The following ZSWIM4 variants were observed in gnomAD, a reference collection of about 807,000 sequenced individuals.
The protein encoded by ZSWIM4 is zinc finger SWIM-type containing 4.
In ZSWIM4, 62 loss-of-function variants were observed where a neutral mutation model predicts 102.5. That is an observed-to-expected ratio of 0.60 (90% CI 0.49 to 0.75). The LOEUF is 0.75. ZSWIM4 is among the 30% of genes least tolerant of loss of function. The pLI is 0.00. For synonymous variants in ZSWIM4, 652 were observed against 674.5 expected (o/e 0.97, Z 0.52); for missense variants, 1,280 against 1,529.6 (o/e 0.84, Z 2.72).
Position 13,814,563 on chromosome 19 carries a change from T to C in ZSWIM4, c.1229T>C (p.Val410Ala). 8.5e-7 allele frequency: 1 copy of C among 1,175,918 alleles called. No individual in the cohort carries two copies. The highest frequency in any genetic ancestry group is 1.6e-5 in the South Asian group (1 of 64,428). 72.8% of individuals were successfully genotyped at this position (1,175,918 alleles called of 1,614,324 possible). ...EVAATSPRHTVFGRALLAGEL... is the reference protein window; with the variant it reads ...EVAATSPRHTAFGRALLAGEL... ...GCAGCCACAAGTCCCCGCCACACGG[T>C]ATTTGGCCGCGCCTTGCTGGCTGGA... is the stretch of plus-strand genomic sequence containing the variant. The change falls in exon 7 of 14, where the codon GTA (valine) becomes GCA (alanine). Residue 410 changes from valine (V) to alanine (A), a missense_variant. Coordinates refer to ENST00000590508, the MANE Select transcript of ZSWIM4 (RefSeq NM_001367834.3).
chr19:13,830,462 C>T lies in ZSWIM4; in HGVS notation c.2733C>T (p.Asp911=), dbSNP rs947722866. Residue 911 remains aspartate, a synonymous_variant, in exon 14 of 14, where the codon GAC becomes GAT. Transcript: ENST00000590508. Reference sequence around the variant, plus strand: ...AGGCGGCCTACCAGATCGTGCTGGACGCGGCGGCCGGCGGCCTGGGCCACG... The same window carrying T: ...AGGCGGCCTACCAGATCGTGCTGGATGCGGCGGCCGGCGGCCTGGGCCACG... ...AFEAAYQIVL[D]AAAGGLGHAH... The T allele has an allele frequency of 2.5e-6, 4 of 1,604,680 alleles. No individual in the cohort carries two copies. Among genetic ancestry groups the T allele is most frequent in the East Asian group, 2.2e-5 (1 of 44,878 alleles).
chr19:13,831,011 G>A lies in ZSWIM4; in HGVS notation c.3282G>A (p.Lys1094=). ...ACCTCAAACAGACCTACAAGGGCAAGAAGAAACTCATGCTTTTGGTGCGGG... is the reference window on the plus strand; with the variant it reads ...ACCTCAAACAGACCTACAAGGGCAAAAAGAAACTCATGCTTTTGGTGCGGG... ...LENLKQTYKG[K]KKLMLLVRER... The change falls in exon 14 of 14, where the codon AAG becomes AAA. Residue 1094 remains lysine (K), a synonymous_variant. Transcript: ENST00000590508. 10 of 1,606,674 alleles carry A rather than the reference G, an allele frequency of 6.2e-6. No homozygotes were observed. The highest frequency in any genetic ancestry group is 8.5e-6 in the Non-Finnish European group (10 of 1,177,078).
Position 13,825,617 on chromosome 19 carries a change from C to G in ZSWIM4, c.2283C>G (p.Leu761=), listed in dbSNP as rs1975585671. 1 of 1,614,212 alleles carries G rather than the reference C, an allele frequency of 6.2e-7. No individual in the cohort carries two copies. The highest frequency in any genetic ancestry group is 8.5e-7 in the Non-Finnish European group (1 of 1,180,046). The change falls in exon 12 of 14, where the codon CTC becomes CTG. Residue 761 remains leucine (L), a synonymous_variant. Coordinates refer to ENST00000590508, the MANE Select transcript of ZSWIM4 (RefSeq NM_001367834.3). This position sits in a 1 kb window ranked among gnomAD's most constrained non-coding sequence, Gnocchi z 4.6. ...IQQNIHSPAL[L]FKLAQDACKT... ...AGAACATCCACTCTCCGGCCCTGCTCTTTAAGCTGGCGCAGGACGCCTGCA... is the reference window on the plus strand; with the variant it reads ...AGAACATCCACTCTCCGGCCCTGCTGTTTAAGCTGGCGCAGGACGCCTGCA...
intron 13 of ZSWIM4, among the ~76,000 whole-genome samples, chr19:13,829,375 G>C (rs1749944687): frequency 2.6e-5 from 4 of 152,176 alleles, no homozygotes; most frequent in Admixed American, 2.0e-4. Flanking sequence ...TGGATCACTT[G>C]AGGTCAGGAG....
chr19:13,795,976 T>A (rs1974601821), intron 1 of ZSWIM4, among the ~76,000 whole-genome samples, 175 bp downstream of exon 1: 1 of 145,954 alleles, frequency 6.9e-6, no homozygotes, highest in Non-Finnish European at 1.5e-5. Flanking sequence ...TCCTCCTGTT[T>A]CTGTCCTTCA....
chr19:13,825,812 T>C lies in ZSWIM4; in HGVS notation c.2379+99T>C. On this transcript the variant is annotated intron_variant, in intron 12 of 13. Transcript: ENST00000590508. This position sits in a 1 kb window ranked among gnomAD's most constrained non-coding sequence, Gnocchi z 4.6. The stretch of plus-strand genomic sequence containing the variant: ...GGGGCATGGGCTGAGTGTGAGCCAC[T>C]TCGCTGGGGGCCCGGCATTTGCGTG... 4 of 1,429,924 alleles carry C rather than the reference T, an allele frequency of 2.8e-6. No homozygotes were observed. Among genetic ancestry groups the C allele is most frequent in the South Asian group, 2.8e-5 (2 of 72,672 alleles). The allele number at this position is 1,429,924 out of a possible 1,614,324, so 88.6% of individuals were successfully genotyped here. A position where few individuals can be genotyped will look rare whatever the true frequency, so the allele number is the denominator to read the frequency against.
intron 5 of ZSWIM4, among the ~76,000 whole-genome samples, chr19:13,810,462 A>G (rs113279872): frequency 1.4e-5 from 2 of 146,938 alleles, no homozygotes; most frequent in South Asian, 2.2e-4. Context: ...CTAGCTAATT[A>G]TTGTATTTTT....
intron 2 of ZSWIM4, among the ~76,000 whole-genome samples, chr19:13,804,199 C>T (rs1215450477): frequency 6.6e-5 from 10 of 151,844 alleles, no homozygotes; most frequent in African/African-American, 1.9e-4. Flanking sequence ...GGCTGGGCAC[C>T]GTGGCCCACG....
chr19:13,830,138 T>C, intron 13 of ZSWIM4, 53 bp from the exon 14 acceptor site: 1 of 1,571,614 alleles, frequency 6.4e-7, no homozygotes, highest in African/African-American at 1.3e-5. Context: ...CGCATACATG[T>C]ACGTGTGTCT....
intron 10 of ZSWIM4, among the ~76,000 whole-genome samples, chr19:13,822,368 T>C (rs1334439758): frequency 6.6e-6 from 1 of 152,190 alleles, no homozygotes; most frequent in Non-Finnish European, 1.5e-5. Context: ...GAGATAAGAA[T>C]GGTTTTTACA....
chr19:13,799,101 A>G (rs1314492307), intron 1 of ZSWIM4, among the ~76,000 whole-genome samples: 1 of 151,558 alleles, frequency 6.6e-6, no homozygotes, highest in African/African-American at 2.4e-5. Flanking sequence ...TTTTTTTGAG[A>G]TGGGATCTTG....
intron 2 of ZSWIM4, among the ~76,000 whole-genome samples, chr19:13,804,006 C>T (rs62124248): frequency 0.47 from 69,077 of 147,276 alleles, 19,148 homozygotes; most frequent in African/African-American, 0.79. Flanking sequence ...GGATTACAGG[C>T]GCCCGCCACC....
intron 1 of ZSWIM4, among the ~76,000 whole-genome samples, chr19:13,799,179 C>G (rs1974688219): frequency 6.6e-6 from 1 of 152,048 alleles, no homozygotes; most frequent in African/African-American, 2.4e-5. Context: ...CTCATGGCCT[C>G]AAGTGACCCT....
chr19:13,808,897 GGAGC>G lies in ZSWIM4; in HGVS notation c.775_778del (p.Glu259ArgfsTer6), dbSNP rs1974993276. 7 of 1,612,482 alleles carry G rather than the reference GGAGC, an allele frequency of 4.3e-6. No homozygotes were observed. Among genetic ancestry groups the G allele is most frequent in the Non-Finnish European group, 5.9e-6 (7 of 1,179,468 alleles). On this transcript the variant is annotated frameshift_variant, in exon 4 of 14. Transcript: ENST00000590508. LOFTEE classifies it high-confidence loss of function. The stretch of plus-strand genomic sequence containing the variant: ...ACGCCAACTGCTGGCACCTGGACGA[GGAGC>G]AGATCCAGGAGCAGGTGAAGCAGCT...
chr19:13,819,749 A>C (rs1334353667), intron 10 of ZSWIM4, among the ~76,000 whole-genome samples: 1 of 151,242 alleles, frequency 6.6e-6, no homozygotes, highest in Non-Finnish European at 1.5e-5. Flanking sequence ...GCTCACTGCA[A>C]CCTCCACCTC....
At position 13,798,849 on chromosome 19, in the gene ZSWIM4, C is replaced by T. The variant is rs1382895635; in HGVS notation, c.154-871C>T. ...CGTGGCCCAGACTGGAGTGCAATGG[C>T]GCAATCTCGGCTCACTGCAACCTCC... On this transcript the variant is annotated intron_variant, in intron 1 of 13. Transcript: ENST00000590508. Among the ~76,000 whole-genome samples the T allele has an allele frequency of 8.5e-5, 13 of 152,184 alleles. No individual in the cohort carries two copies. The East Asian group carries it at 1.3e-3, about 16-fold the overall frequency.
Position 13,827,562 on chromosome 19 carries a change from C to T in ZSWIM4, c.2380-1083C>T, listed in dbSNP as rs546739341. Among the ~76,000 whole-genome samples the T allele has an allele frequency of 3.7e-5, 5 of 134,786 alleles. No homozygotes were observed. The Admixed American group carries it at 4.2e-4, about 11-fold the overall frequency. The allele number at this position is 134,786 out of a possible 152,430, so 88.4% of individuals were successfully genotyped here. On this transcript the variant is annotated intron_variant, in intron 12 of 13. Coordinates refer to ENST00000590508, the MANE Select transcript of ZSWIM4 (RefSeq NM_001367834.3). ...GAGCCAAGAGACCACAACTGCACTT[C>T]AGCCCCGGCGACAGAGTGAGACCCT...
At chr19:13,823,974 T>C (rs112581258) in intron 11 of ZSWIM4, among the ~76,000 whole-genome samples, 1,587 of 152,096 alleles carry the variant, frequency 0.01, 24 homozygotes, top group African/African-American at 0.037. Context: ...GGCTCTCTTC[T>C]CAGCTTACAG....
rs1974990030 is a variant in ZSWIM4 at position 13,808,834 on chromosome 19, A to G, written c.713-2A>G. The G allele has an allele frequency of 6.3e-7, 1 of 1,596,180 alleles. No homozygotes were observed. The highest frequency in any genetic ancestry group is 8.5e-7 in the Non-Finnish European group (1 of 1,170,842). The stretch of plus-strand genomic sequence containing the variant: ...CAGCTTCCTTTCCCTCCCTCCCGGC[A>G]GGTGCCCCAGACCCCACCGCCGGCG... On this transcript the variant is annotated splice_acceptor_variant, in intron 3 of 13. Coordinates refer to ENST00000590508, the MANE Select transcript of ZSWIM4 (RefSeq NM_001367834.3). LOFTEE classifies it high-confidence loss of function.
Sources: allele counts gnomAD v4.1 joint callset (sites outside exome capture counted in the v4.1 genomes callset), GRCh38; gene constraint gnomAD v4.1.1; non-coding constraint Gnocchi (gnomAD v3.1); transcripts MANE v1.5; gene names NCBI Gene and HGNC (gene_info 2026-07-23, HGNC 2026-07-21).